The following CLVS1 variants were observed in gnomAD, a reference collection of about 807,000 sequenced individuals.
CLVS1 encodes the protein clavesin-1.
A neutral mutation model predicts 33.1 loss-of-function variants in CLVS1; 10 were observed. The ratio of observed to expected loss-of-function variants is 0.30; its 90% CI spans 0.19 to 0.51. CLVS1 has a LOEUF of 0.51. Ranked by LOEUF, CLVS1 falls within the 20% of genes least tolerant of loss-of-function variation. The pLI, the probability that CLVS1 is intolerant of heterozygous loss-of-function variation, is 0.97. For synonymous variants in CLVS1, 163 were observed against 166.1 expected, an observed-to-expected ratio of 0.98 and a Z score of 0.14; for missense variants, 343 against 433.4, an observed-to-expected ratio of 0.79 and a Z score of 1.85.
At chr8:61,217,455 G>A (rs987213595) in intron 2 of CLVS1, among the ~76,000 whole-genome samples, 1 of 152,180 alleles carries the variant, frequency 6.6e-6, no homozygotes, top group African/African-American at 2.4e-5. Context: ...TCAAAGGTAT[G>A]TCTCAACTTG....
intron 5 of CLVS1, among the ~76,000 whole-genome samples, chr8:61,492,368 T>A (rs963928785): frequency 3.9e-5 from 6 of 152,228 alleles, no homozygotes; most frequent in Admixed American, 3.3e-4. Context: ...CATTAAAATT[T>A]GGTGTGTACA....
At chr8:61,377,251 A>C (rs10111651) in intron 3 of CLVS1, 89,930 of 152,508 alleles carry the variant, frequency 0.59, 30,595 homozygotes, top group Non-Finnish European at 0.75. Context: ...AAGCAGATGA[A>C]ATTACCTCCT....
chr8:61,146,491 A>G (rs561330473), intron 2 of CLVS1, among the ~76,000 whole-genome samples: 104 of 152,340 alleles, frequency 6.8e-4, no homozygotes, highest in African/African-American at 2.3e-3. Flanking sequence ...AGGCCCATGG[A>G]AGGCATCCTG....
chr8:61,413,558 G>A, intron 3 of CLVS1, among the ~76,000 whole-genome samples: 1 of 152,164 alleles, frequency 6.6e-6, no homozygotes. Flanking sequence ...GTGGTGGCAG[G>A]CCGGGCAGAA....
the CLVS1 span, among the ~76,000 whole-genome samples, chr8:60,986,767 C>T: frequency 6.6e-6 from 1 of 152,198 alleles, no homozygotes; most frequent in African/African-American, 2.4e-5. Context: ...GCTTATCCTC[C>T]ATCAATTATA....
intron 1 of CLVS1, among the ~76,000 whole-genome samples, chr8:61,073,653 A>G (rs1007487881): frequency 2.0e-5 from 3 of 152,118 alleles, no homozygotes; most frequent in Non-Finnish European, 4.4e-5. Flanking sequence ...ATCTAACGAT[A>G]GATATTACTA....
At chr8:61,347,279 T>C (rs1362460365) in intron 2 of CLVS1, among the ~76,000 whole-genome samples, 15 of 152,108 alleles carry the variant, frequency 9.9e-5, no homozygotes, top group Admixed American at 9.8e-4. Context: ...ATTGCAAACC[T>C]GAATTCAGGA....
chr8:61,189,979 A>G (rs2931317), intron 2 of CLVS1, among the ~76,000 whole-genome samples: 53,395 of 152,016 alleles, frequency 0.35, 11,780 homozygotes, highest in Middle Eastern at 0.57. Context: ...CAGAAAGTTA[A>G]CAAGGATATC....
chr8:61,334,404 C>T (rs1009297762), intron 2 of CLVS1, among the ~76,000 whole-genome samples: 7 of 152,178 alleles, frequency 4.6e-5, no homozygotes, highest in African/African-American at 1.7e-4. Context: ...TGGTCTTGTC[C>T]TAGACAAGCA....
intron 3 of CLVS1, among the ~76,000 whole-genome samples, chr8:61,398,369 A>G (rs759124555): frequency 6.6e-6 from 1 of 151,722 alleles, no homozygotes; most frequent in Non-Finnish European, 1.5e-5. Context: ...TTTGGTAGAG[A>G]CCGGGTTTCA....
intron 5 of CLVS1, among the ~76,000 whole-genome samples, chr8:61,480,435 C>T (rs559724179): frequency 1.1e-4 from 16 of 152,188 alleles, no homozygotes; most frequent in Non-Finnish European, 1.5e-4. Context: ...ATTGGAAAAG[C>T]GCAGTATTAG....
At chr8:61,186,399 C>T (rs1807344947) in intron 2 of CLVS1, among the ~76,000 whole-genome samples, 1 of 152,160 alleles carries the variant, frequency 6.6e-6, no homozygotes, top group Admixed American at 6.6e-5. Context: ...CATTCCTTCT[C>T]TGCATACCTG....
chr8:61,068,687 T>A (rs1804731425), intron 1 of CLVS1, among the ~76,000 whole-genome samples: 1 of 152,148 alleles, frequency 6.6e-6, no homozygotes, highest in Non-Finnish European at 1.5e-5. Context: ...TACACCCATG[T>A]CCCTGCTGCA....
At chr8:61,236,149 G>A (rs1808552417) in intron 2 of CLVS1, among the ~76,000 whole-genome samples, 1 of 152,174 alleles carries the variant, frequency 6.6e-6, no homozygotes, top group African/African-American at 2.4e-5. Context: ...TGGCTGTGCT[G>A]ATTTGATGCT....
chr8:61,223,078 C>A (rs1356169983), intron 2 of CLVS1, among the ~76,000 whole-genome samples: 1 of 151,702 alleles, frequency 6.6e-6, no homozygotes, highest in African/African-American at 2.4e-5. Context: ...TGTCTTTGCA[C>A]ATAAGATGGG....
chr8:61,353,953 T>C (rs1812581471), intron 2 of CLVS1, among the ~76,000 whole-genome samples: 1 of 151,826 alleles, frequency 6.6e-6, no homozygotes, highest in South Asian at 2.1e-4. Flanking sequence ...AGGAATATTA[T>C]GAACAACTTT....
intron 2 of CLVS1, among the ~76,000 whole-genome samples, chr8:61,192,063 T>A (rs1807495807): frequency 6.6e-6 from 1 of 152,088 alleles, no homozygotes; most frequent in Non-Finnish European, 1.5e-5. Context: ...GAGCCTGCAT[T>A]GCCAAGACAA....
chr8:61,172,126 C>T (rs1807013750), intron 2 of CLVS1, among the ~76,000 whole-genome samples: 1 of 152,200 alleles, frequency 6.6e-6, no homozygotes, highest in African/African-American at 2.4e-5. Flanking sequence ...CTTCATCCAT[C>T]ACTTCAACGT....
At chr8:61,318,702 C>T (rs1413141102) in intron 2 of CLVS1, among the ~76,000 whole-genome samples, 2 of 152,134 alleles carry the variant, frequency 1.3e-5, no homozygotes, top group Non-Finnish European at 2.9e-5. Context: ...CTCTTCATCT[C>T]CTCTTCATTC....
Sources: allele counts gnomAD v4.1 joint callset (sites outside exome capture counted in the v4.1 genomes callset), GRCh38; gene constraint gnomAD v4.1.1; transcripts MANE v1.5; gene names NCBI Gene and HGNC (gene_info 2026-07-23, HGNC 2026-07-21).